UFL1: variants seen among roughly 807,000 people sequenced by gnomAD.
UFL1 encodes E3 UFM1-protein ligase 1.
UFL1 carries 78 observed loss-of-function variants against 99.3 expected under a neutral mutation model. That is an observed-to-expected ratio of 0.79 (90% confidence interval 0.65 to 0.95). The LOEUF is 0.95. UFL1 is among the 40% of genes least tolerant of loss of function. UFL1 has a pLI of 0.00. For missense variants in UFL1, 936 were observed against 937.0 expected (o/e 1.00, Z 0.01); for synonymous variants, 335 against 322.2 (o/e 1.04, Z -0.42).
At chr6:96,542,379 T>C (rs1769943278) in intron 11 of UFL1, among the ~76,000 whole-genome samples, 1 of 146,428 alleles carries the variant, frequency 6.8e-6, no homozygotes, top group South Asian at 2.1e-4. Flanking sequence ...TCTTCAGAAG[T>C]TTATAATCTG....
At position 96,551,826 on chromosome 6, in the gene UFL1, A is replaced by G. The variant is rs1159436624; in HGVS notation, c.1900-12A>G. 2.6e-6 allele frequency: 4 copies of G among 1,559,888 alleles called. No individual in the cohort carries two copies. The highest frequency in any genetic ancestry group is 1.8e-5 in the Admixed American group (1 of 54,424). On this transcript the variant is annotated splice_polypyrimidine_tract_variant and intron_variant, in intron 16 of 18. Coordinates refer to ENST00000369278, the MANE Select transcript of UFL1 (RefSeq NM_015323.5). ...ATATAAAAGTAAATTATGGTATTCA[A>G]TGCCTTTTCAGAGCATAGAAGACTT...
intron 10 of UFL1, among the ~76,000 whole-genome samples, chr6:96,540,073 A>AAAAAAG (rs1769909446): frequency 6.6e-6 from 1 of 151,004 alleles, no homozygotes; most frequent in South Asian, 2.1e-4. Flanking sequence ...GAGGGGGGAA[A>AAAAAAG]AAAAGATTAT....
chr6:96,552,694 A>C (rs1459550902), intron 18 of UFL1, 32 bp downstream of exon 18: 2 of 1,548,886 alleles, frequency 1.3e-6, no homozygotes, highest in East Asian at 2.3e-5. Context: ...TGAAACTTTC[A>C]AAGATTTACA....
chr6:96,551,381 C>G, intron 15 of UFL1, 52 bp from the exon 16 acceptor site: 1 of 930,564 alleles, frequency 1.1e-6, no homozygotes, highest in South Asian at 1.6e-5. Context: ...TATCTTATAT[C>G]CATTGCATGT....
intron 7 of UFL1, among the ~76,000 whole-genome samples, chr6:96,534,878 T>C (rs1408575679): frequency 6.6e-6 from 1 of 151,854 alleles, no homozygotes; most frequent in Non-Finnish European, 1.5e-5. Flanking sequence ...ACTCAGATTA[T>C]CTGTGCAAAT....
chr6:96,545,076 C>T (rs1769981743), intron 12 of UFL1, among the ~76,000 whole-genome samples: 1 of 150,932 alleles, frequency 6.6e-6, no homozygotes, highest in Admixed American at 6.6e-5. Flanking sequence ...ACAGGGAAAT[C>T]ATAGATCATT....
In UFL1 at chr6:96,554,223, A is replaced by G. The variant is rs1355042300; in HGVS notation, c.*720A>G. 1 of 152,198 alleles carries G rather than the reference A, an allele frequency of 6.6e-6. No individual in the cohort carries two copies. Among genetic ancestry groups the G allele is most frequent in the Non-Finnish European group, 1.5e-5 (1 of 68,030 alleles). The allele number at this position is 152,198 out of a possible 1,614,324, so 9.4% of individuals were successfully genotyped here. On this transcript the variant is annotated 3_prime_UTR_variant, in exon 19 of 19. Transcript: ENST00000369278. Reference sequence around the variant, plus strand: ...CATGCAATTTATTACCAGTAAGCATAAGTCATATTTAACATTGGAATAACT... The same window carrying G: ...CATGCAATTTATTACCAGTAAGCATGAGTCATATTTAACATTGGAATAACT...
At chr6:96,532,936 AATT>A (rs1769802117) in intron 6 of UFL1, among the ~76,000 whole-genome samples, 1 of 152,192 alleles carries the variant, frequency 6.6e-6, no homozygotes, top group Non-Finnish European at 1.5e-5. Flanking sequence ...TAAAAATAAT[AATT>A]TACTCAAAAA....
At chr6:96,552,915 A>C (rs1477082088) in intron 18 of UFL1, among the ~76,000 whole-genome samples, 1 of 152,120 alleles carries the variant, frequency 6.6e-6, no homozygotes, top group Non-Finnish European at 1.5e-5. Flanking sequence ...CTCCCATTTC[A>C]GCTTCTTTAG....
At chr6:96,535,995 T>C (rs1384185325) in intron 7 of UFL1, among the ~76,000 whole-genome samples, 1 of 152,052 alleles carries the variant, frequency 6.6e-6, no homozygotes, top group East Asian at 1.9e-4. Flanking sequence ...ATTAACTAGC[T>C]TGAGTTACAA....
At chr6:96,534,549 G>A (rs1374558339) in intron 7 of UFL1, among the ~76,000 whole-genome samples, 2 of 151,390 alleles carry the variant, frequency 1.3e-5, no homozygotes, top group East Asian at 1.9e-4. Context: ...AAAAAAGTAA[G>A]CATTTATAAT....
Position 96,521,927 on chromosome 6 carries a change from G to T in UFL1, c.54G>T (p.Ala18=). 6.2e-7 allele frequency: 1 copy of T among 1,612,348 alleles called. No individual in the cohort carries two copies. The highest frequency in any genetic ancestry group is 8.5e-7 in the Non-Finnish European group (1 of 1,179,496). Residue 18 remains alanine (A), a synonymous_variant, in exon 1 of 19, where the codon GCG becomes GCT. Coordinates refer to ENST00000369278, the MANE Select transcript of UFL1 (RefSeq NM_015323.5). The stretch of plus-strand genomic sequence containing the variant: ...GGTTGGCGGCCGACTTCCAGCGGGC[G>T]CAGTTCGCCGAGGCCACGCAGAGGT... ...IRRLAADFQR[A]QFAEATQRLS...
At chr6:96,551,194 ACT>A (rs946191142) in intron 15 of UFL1, among the ~76,000 whole-genome samples, 19 of 151,724 alleles carry the variant, frequency 1.3e-4, no homozygotes, top group African/African-American at 4.3e-4. Flanking sequence ...AAGGTCAACG[ACT>A]CTCTCTAGTC....
rs879091726 is a variant in UFL1 at position 96,548,228 on chromosome 6, C to T, written c.1467C>T (p.His489=). 4 of 1,607,980 alleles carry T rather than the reference C, an allele frequency of 2.5e-6. No individual in the cohort carries two copies. The South Asian group carries it at 4.4e-5, about 18-fold the overall frequency. Residue 489 remains histidine, a synonymous_variant, in exon 13 of 19, where the codon CAC becomes CAT. Coordinates refer to ENST00000369278, the MANE Select transcript of UFL1 (RefSeq NM_015323.5). The stretch of plus-strand genomic sequence containing the variant: ...AGATTGAAGATTTTTTAAGAAAACA[C>T]ATACAAGATGCCCCTGAGGAGTTTA... ...QDEIEDFLRK[H]IQDAPEEFIS...
chr6:96,534,146 TTTA>T, intron 6 of UFL1, 114 bp from the exon 7 acceptor site: 1 of 649,032 alleles, frequency 1.5e-6, no homozygotes, highest in Non-Finnish European at 2.2e-6. Flanking sequence ...AATTTTTGAC[TTTA>T]TTTTTTCTTT....
chr6:96,528,396 CAT>C, intron 5 of UFL1, 104 bp from the exon 6 acceptor site: 1 of 1,328,928 alleles, frequency 7.5e-7, no homozygotes, highest in South Asian at 1.6e-5. Flanking sequence ...TTCTCAATCA[CAT>C]GACTGATACC....
chr6:96,552,403 A>G, intron 17 of UFL1, 79 bp from the exon 18 acceptor site: 1 of 1,419,050 alleles, frequency 7.0e-7, no homozygotes, highest in Non-Finnish European at 9.3e-7. Flanking sequence ...GCTAAAAATT[A>G]ACAGAAAGGG....
chr6:96,526,910 A>C (rs1029193627), intron 5 of UFL1, among the ~76,000 whole-genome samples: 4 of 152,196 alleles, frequency 2.6e-5, no homozygotes, highest in Admixed American at 6.5e-5. Flanking sequence ...CAATGTACAG[A>C]ACATCCTGCC....
chr6:96,552,830 C>T (rs1337943294), intron 18 of UFL1, among the ~76,000 whole-genome samples, 168 bp downstream of exon 18: 1 of 152,032 alleles, frequency 6.6e-6, no homozygotes, highest in Non-Finnish European at 1.5e-5. Context: ...TAAAATTCCA[C>T]ATAGCTCAAG....
Sources: allele counts gnomAD v4.1 joint callset (sites outside exome capture counted in the v4.1 genomes callset), GRCh38; gene constraint gnomAD v4.1.1; transcripts MANE v1.5; gene names NCBI Gene and HGNC (gene_info 2026-07-23, HGNC 2026-07-21).